Variants in CSMD1 observed in about 807,000 individuals in gnomAD.
The protein encoded by CSMD1 is CUB and sushi domain-containing protein 1.
Under a neutral mutation model 417.5 loss-of-function variants are expected in CSMD1, and 213 were observed. That is an observed-to-expected ratio of 0.51 (90% CI 0.46 to 0.57). The LOEUF is 0.57. Among genes scored for constraint, CSMD1 ranks in the 20% least tolerant of loss-of-function variants. The probability of loss-of-function intolerance (pLI) is 0.00; values close to 1 mark genes in which losing one functional copy is unlikely to be tolerated. For synonymous variants in CSMD1, 2,862 were observed against 1,736.8 expected, an observed-to-expected ratio of 1.65 and a Z score of -16.11; for missense variants, 6,923 against 4,529.7, an observed-to-expected ratio of 1.53 and a Z score of -15.17.
intron 5 of CSMD1, among the ~76,000 whole-genome samples, chr8:3,831,497 T>A (rs1483814609): frequency 1.3e-5 from 2 of 152,146 alleles, no homozygotes; most frequent in Non-Finnish European, 2.9e-5. Context: ...GCCCACAGTG[T>A]AGATGCTTAA....
At position 3,125,743 on chromosome 8, in the gene CSMD1, G is replaced by A. The variant is rs1373734981; in HGVS notation, c.6242-7156C>T. ...TGTAATCCCAGCACTTTGGGAGGCCGAGGTGGGCAGATTACCTGAGATCAG... is the reference window on the plus strand; with the variant it reads ...TGTAATCCCAGCACTTTGGGAGGCCAAGGTGGGCAGATTACCTGAGATCAG... On this transcript the variant is annotated intron_variant, in intron 41 of 69. Transcript: ENST00000635120. 3.9e-5 allele frequency among the ~76,000 whole-genome samples: 6 copies of A among 152,188 alleles called. No individual in the cohort carries two copies. In the East Asian group the frequency reaches 5.8e-4, roughly 15 times the overall value.
At chr8:3,791,198 C>G (rs930279735) in intron 5 of CSMD1, among the ~76,000 whole-genome samples, 7 of 152,056 alleles carry the variant, frequency 4.6e-5, no homozygotes, top group African/African-American at 1.4e-4. Flanking sequence ...TTTGTAAACC[C>G]CTACCCCAAA....
chr8:4,721,648 G>C (rs1388455779), intron 1 of CSMD1, among the ~76,000 whole-genome samples: 3 of 152,218 alleles, frequency 2.0e-5, no homozygotes, highest in South Asian at 2.1e-4. Context: ...AGAGTATGGA[G>C]GTTCCTCAAA....
intron 1 of CSMD1, among the ~76,000 whole-genome samples, chr8:4,896,909 T>C (rs1804529703): frequency 6.6e-6 from 1 of 152,072 alleles, no homozygotes; most frequent in Admixed American, 6.5e-5. Context: ...TTGGGCTCCT[T>C]TATTCTTCCT....
chr8:3,337,870 C>T (rs1165059817), intron 23 of CSMD1, among the ~76,000 whole-genome samples: 1 of 152,172 alleles, frequency 6.6e-6, no homozygotes, highest in African/African-American at 2.4e-5. Context: ...GATGTTTCTT[C>T]TACCTCTGTT....
chr8:4,335,067 A>G (rs1285914312), intron 3 of CSMD1, among the ~76,000 whole-genome samples: 3 of 151,988 alleles, frequency 2.0e-5, no homozygotes, highest in African/African-American at 7.3e-5. Context: ...ATATCTGACT[A>G]ATTTTTGTAC....
chr8:4,381,628 C>A (rs1377828398), intron 3 of CSMD1, among the ~76,000 whole-genome samples: 3 of 152,014 alleles, frequency 2.0e-5, no homozygotes, highest in Non-Finnish European at 2.9e-5. Flanking sequence ...ACTGATCCCT[C>A]CACCCCTTGT....
chr8:3,645,352 A>C (rs1219779123), intron 7 of CSMD1, among the ~76,000 whole-genome samples: 1 of 152,192 alleles, frequency 6.6e-6, no homozygotes. Context: ...ACCTATCCTA[A>C]TTGAGAAAAA....
At chr8:4,968,397 G>C (rs1810017681) in intron 1 of CSMD1, among the ~76,000 whole-genome samples, 1 of 151,380 alleles carries the variant, frequency 6.6e-6, no homozygotes, top group Non-Finnish European at 1.5e-5. Context: ...ATCTGTAACT[G>C]TTAAAAAAAA....
chr8:4,795,047 G>A (rs113081035), intron 1 of CSMD1, among the ~76,000 whole-genome samples: 2,702 of 151,810 alleles, frequency 0.018, 92 homozygotes, highest in African/African-American at 0.062. Flanking sequence ...GTGGGTGTGT[G>A]TTTAAGTTTC....
At chr8:4,433,514 G>T (rs922109592) in intron 2 of CSMD1, among the ~76,000 whole-genome samples, 5 of 152,090 alleles carry the variant, frequency 3.3e-5, no homozygotes, top group African/African-American at 1.2e-4. Flanking sequence ...TCCCAAGGCA[G>T]CCCCAGATCC....
intron 15 of CSMD1, among the ~76,000 whole-genome samples, chr8:3,401,546 G>A (rs770619091): frequency 4.6e-5 from 7 of 152,140 alleles, no homozygotes; most frequent in Non-Finnish European, 8.8e-5. Flanking sequence ...TAAATAGTAA[G>A]TAATAAGTTT....
intron 3 of CSMD1, among the ~76,000 whole-genome samples, chr8:4,126,726 C>T (rs367693304): frequency 4.3e-4 from 66 of 152,276 alleles, no homozygotes; most frequent in African/African-American, 1.5e-3. Flanking sequence ...TGCTCCTCTC[C>T]GTTTGAAAAG....
chr8:3,648,860 T>A (rs1009698567), intron 7 of CSMD1, among the ~76,000 whole-genome samples: 1 of 152,204 alleles, frequency 6.6e-6, no homozygotes, highest in African/African-American at 2.4e-5. Context: ...TTACCAAGTG[T>A]GACTCAGTTC....
chr8:4,245,951 C>T (rs1249686510), intron 3 of CSMD1, among the ~76,000 whole-genome samples: 2 of 152,160 alleles, frequency 1.3e-5, no homozygotes, highest in African/African-American at 4.8e-5. Context: ...TCCTTCTAAA[C>T]AATACAATCT....
At chr8:3,358,672 C>A (rs1808959208) in intron 21 of CSMD1, among the ~76,000 whole-genome samples, 1 of 152,166 alleles carries the variant, frequency 6.6e-6, no homozygotes, top group Non-Finnish European at 1.5e-5. Flanking sequence ...GCCTCTTGTG[C>A]CCACTTAGCA....
chr8:4,754,899 G>T (rs189377907), intron 1 of CSMD1, among the ~76,000 whole-genome samples: 46 of 152,118 alleles, frequency 3.0e-4, no homozygotes, highest in Non-Finnish European at 3.5e-4. Flanking sequence ...AGCACTTTGT[G>T]AATCCAAGGT....
chr8:2,968,665 G>A (rs905302246), intron 57 of CSMD1, among the ~76,000 whole-genome samples: 1 of 151,898 alleles, frequency 6.6e-6, no homozygotes, highest in Admixed American at 6.6e-5. Context: ...CAACATATCC[G>A]CTTTTCTATC....
rs956366323 is a variant in CSMD1, at chr8:3,201,178, A to G, written c.5098+434T>C. ...TGTGTGGATAAATGTATGCATGTAT[A>G]CATGTGAACACGTGTACATGTGTGG... On this transcript the variant is annotated intron_variant, in intron 32 of 69. Coordinates refer to ENST00000635120, the MANE Select transcript of CSMD1 (RefSeq NM_033225.6). Among the ~76,000 whole-genome samples, 54 of 152,220 alleles carry G rather than the reference A, an allele frequency of 3.5e-4. 2 individuals carry two copies. The highest frequency in any genetic ancestry group is 1.3e-3 in the African/African-American group (54 of 41,456).
Sources: gnomAD v4.1 joint callset for allele counts (sites outside exome capture counted in the v4.1 genomes callset) on GRCh38, gnomAD v4.1.1 for gene constraint, MANE v1.5 for transcripts, NCBI Gene and HGNC (gene_info 2026-07-23, HGNC 2026-07-21) for gene names.